Variants in NWD2 observed in about 807,000 individuals in gnomAD.
NWD2 encodes the protein NACHT and WD repeat domain-containing protein 2.
A neutral mutation model predicts 132.7 loss-of-function variants in NWD2; 37 were observed. That is an observed-to-expected ratio of 0.28 (90% CI 0.21 to 0.37). NWD2 has a LOEUF of 0.37. NWD2 is among the 10% of genes least tolerant of loss of function. NWD2 has a pLI of 1.00. For synonymous variants in NWD2, 705 were observed against 803.0 expected (o/e 0.88, Z 2.06); for missense variants, 1,592 against 2,122.4 (o/e 0.75, Z 4.91).
intron 2 of NWD2, among the ~76,000 whole-genome samples, chr4:37,328,320 T>C (rs1242772782): frequency 6.6e-6 from 1 of 152,226 alleles, no homozygotes; most frequent in African/African-American, 2.4e-5. Flanking sequence ...TAGGTATACA[T>C]GTACCATGGT....
At chr4:37,359,922 G>A (rs1719946091) in intron 3 of NWD2, among the ~76,000 whole-genome samples, 1 of 152,192 alleles carries the variant, frequency 6.6e-6, no homozygotes, top group Non-Finnish European at 1.5e-5. Context: ...GTCTGGTCCT[G>A]CTCTCAGAGG....
chr4:37,355,410 C>T (rs1033569938), intron 2 of NWD2, among the ~76,000 whole-genome samples: 2 of 152,112 alleles, frequency 1.3e-5, no homozygotes, highest in African/African-American at 2.4e-5. Context: ...TCTGTGGGGG[C>T]CCATAGCCAA....
chr4:37,262,473 G>A (rs577228100), intron 1 of NWD2, among the ~76,000 whole-genome samples: 16 of 152,154 alleles, frequency 1.1e-4, no homozygotes, highest in Middle Eastern at 3.4e-3. Flanking sequence ...TTGCATTTCC[G>A]TGATGATTGG....
chr4:37,382,239 A>G (rs2109308867), intron 3 of NWD2, among the ~76,000 whole-genome samples: 1 of 152,326 alleles, frequency 6.6e-6, no homozygotes, highest in African/African-American at 2.4e-5. Context: ...AAAGACAGAG[A>G]TCAGGAAAGT....
chr4:37,295,274 A>G (rs1222985279), intron 1 of NWD2, among the ~76,000 whole-genome samples: 9 of 152,198 alleles, frequency 5.9e-5, no homozygotes, highest in Non-Finnish European at 1.3e-4. Flanking sequence ...ATCCAATCAA[A>G]GTATTCCTTA....
At chr4:37,429,843 A>G (rs995720635) in intron 3 of NWD2, among the ~76,000 whole-genome samples, 26 of 152,270 alleles carry the variant, frequency 1.7e-4, no homozygotes, top group Non-Finnish European at 3.2e-4. Flanking sequence ...CCCAGAAGAA[A>G]AAAATGCCAA....
chr4:37,286,879 A>T (rs562250690), intron 1 of NWD2, among the ~76,000 whole-genome samples: 2 of 152,162 alleles, frequency 1.3e-5, no homozygotes, highest in Non-Finnish European at 2.9e-5. Flanking sequence ...GTGCGGGGCC[A>T]AGATGGTCGA....
chr4:37,344,606 G>A (rs11728146), intron 2 of NWD2, among the ~76,000 whole-genome samples: 52,108 of 151,864 alleles, frequency 0.34, 10,240 homozygotes, highest in Middle Eastern at 0.5. Context: ...TAATGAAAGC[G>A]CTGTTACGAC....
At position 37,448,535 on chromosome 4, in the gene NWD2, G is replaced by A. The variant is rs1200465610; in HGVS notation, c.*1318G>A. 1 of 152,162 alleles carries A rather than the reference G, an allele frequency of 6.6e-6. No individual in the cohort carries two copies. The highest frequency in any genetic ancestry group is 1.9e-4 in the East Asian group (1 of 5,186). The allele number at this position is 152,162 out of a possible 1,614,324, so 9.4% of individuals were successfully genotyped here. On this transcript the variant is annotated 3_prime_UTR_variant, in exon 7 of 7. Transcript: ENST00000309447. ...TGCATCTCAAAAGGTGAAGATGATT[G>A]TTCTTTCTTCCATATCCTCCTTACG...
chr4:37,250,185 C>G (rs1717329851), intron 1 of NWD2, among the ~76,000 whole-genome samples: 1 of 150,706 alleles, frequency 6.6e-6, no homozygotes, highest in African/African-American at 2.4e-5. Flanking sequence ...CACACACACA[C>G]AGCCATTTGG....
intron 6 of NWD2, among the ~76,000 whole-genome samples, chr4:37,442,554 C>A (rs923653688): frequency 2.6e-5 from 4 of 152,108 alleles, no homozygotes; most frequent in African/African-American, 4.8e-5. Context: ...CTCATCTACC[C>A]TTCAGAGAGA....
intron 3 of NWD2, among the ~76,000 whole-genome samples, chr4:37,417,784 G>A (rs899441285): frequency 6.6e-6 from 1 of 152,156 alleles, no homozygotes; most frequent in Non-Finnish European, 1.5e-5. Context: ...GGGGTTGAAT[G>A]TACAGATCAG....
intron 2 of NWD2, among the ~76,000 whole-genome samples, chr4:37,348,581 C>CT (rs57331750): frequency 1.1e-4 from 8 of 75,394 alleles, no homozygotes; most frequent in Admixed American, 4.0e-4. Flanking sequence ...TTTCCTTTTT[C>CT]TTTTTTTTTT....
intron 2 of NWD2, among the ~76,000 whole-genome samples, chr4:37,341,562 C>T (rs1719526420): frequency 6.6e-6 from 1 of 152,120 alleles, no homozygotes; most frequent in Non-Finnish European, 1.5e-5. Context: ...AGGCGGGGAC[C>T]TGATCACAGA....
intron 3 of NWD2, among the ~76,000 whole-genome samples, chr4:37,423,121 C>T (rs1422611808): frequency 6.6e-6 from 1 of 152,120 alleles, no homozygotes; most frequent in Non-Finnish European, 1.5e-5. Flanking sequence ...GCTAACATTC[C>T]TTCTTGGCAA....
intron 1 of NWD2, among the ~76,000 whole-genome samples, chr4:37,260,664 A>G (rs6855364): frequency 0.1 from 15,180 of 152,208 alleles, 816 homozygotes; most frequent in African/African-American, 0.12. Context: ...GGATTTAGAA[A>G]TACCTTCCCC....
intron 3 of NWD2, among the ~76,000 whole-genome samples, chr4:37,375,257 T>C (rs1324412968): frequency 6.6e-6 from 1 of 152,220 alleles, no homozygotes; most frequent in African/African-American, 2.4e-5. Context: ...AAATTAATGT[T>C]TATTGAAAGG....
At chr4:37,330,767 A>G (rs142711212) in intron 2 of NWD2, among the ~76,000 whole-genome samples, 50 of 152,206 alleles carry the variant, frequency 3.3e-4, no homozygotes, top group Middle Eastern at 3.4e-3. Context: ...GCCTTACACC[A>G]TCACCCTACT....
chr4:37,316,268 G>A (rs1718954794), intron 1 of NWD2, among the ~76,000 whole-genome samples: 2 of 151,968 alleles, frequency 1.3e-5, no homozygotes, highest in East Asian at 1.9e-4. Context: ...ATTATTGGTT[G>A]ACTCATTTTT....
Sources: gnomAD v4.1 joint callset for allele counts (sites outside exome capture counted in the v4.1 genomes callset) on GRCh38, gnomAD v4.1.1 for gene constraint, MANE v1.5 for transcripts, NCBI Gene and HGNC (gene_info 2026-07-23, HGNC 2026-07-21) for gene names.